Variants in FRMD6 observed in about 807,000 individuals in gnomAD.
FRMD6 encodes FERM domain-containing protein 6.
A neutral mutation model predicts 73.2 loss-of-function variants in FRMD6; 37 were observed. The observed-to-expected ratio is 0.51, with a 90% CI of 0.39 to 0.66. The LOEUF is 0.66. Among genes scored for constraint, FRMD6 ranks in the 30% least tolerant of loss-of-function variants. The pLI is 0.00. For synonymous variants in FRMD6, 273 were observed against 282.2 expected, an observed-to-expected ratio of 0.97 and a Z score of 0.33; for missense variants, 714 against 780.5, an observed-to-expected ratio of 0.91 and a Z score of 1.02.
the FRMD6 span, among the ~76,000 whole-genome samples, chr14:51,477,741 T>TC: frequency 3.6e-4 from 2 of 5,530 alleles, no homozygotes; most frequent in African/African-American, 9.2e-4. Context: ...CTTTTTCTTT[T>TC]TTTTTTTTTT....
intron 6 of FRMD6, among the ~76,000 whole-genome samples, chr14:51,706,826 T>C (rs1476334253): frequency 6.6e-6 from 1 of 152,170 alleles, no homozygotes; most frequent in East Asian, 1.9e-4. Context: ...CTTAACCTTT[T>C]CTATTTCATC....
chr14:51,458,908 C>T, the FRMD6 span, among the ~76,000 whole-genome samples: 4 of 152,202 alleles, frequency 2.6e-5, no homozygotes, highest in Non-Finnish European at 5.9e-5. Context: ...GGAAGCAAGG[C>T]TGTGACTTAG....
At chr14:51,611,885 A>C (rs1890521678) in intron 2 of FRMD6, among the ~76,000 whole-genome samples, 1 of 152,214 alleles carries the variant, frequency 6.6e-6, no homozygotes. Flanking sequence ...AAGATTATAT[A>C]GCGATAATGG....
intron 2 of FRMD6, among the ~76,000 whole-genome samples, chr14:51,638,516 T>A (rs1891673534): frequency 6.6e-6 from 1 of 152,146 alleles, no homozygotes; most frequent in African/African-American, 2.4e-5. Context: ...TGTTCCATGC[T>A]AGATTTTACA....
chr14:51,660,150 C>G (rs973469763), intron 1 of FRMD6, among the ~76,000 whole-genome samples: 1 of 152,178 alleles, frequency 6.6e-6, no homozygotes, highest in African/African-American at 2.4e-5. Flanking sequence ...AAAATGTTCA[C>G]TAAGTCCATC....
intron 1 of FRMD6, among the ~76,000 whole-genome samples, chr14:51,510,174 A>G (rs949244659): frequency 6.6e-6 from 1 of 152,252 alleles, no homozygotes; most frequent in Non-Finnish European, 1.5e-5. Context: ...AGTGTCTCCT[A>G]CAATGAGCCC....
the FRMD6 span, among the ~76,000 whole-genome samples, chr14:51,465,117 G>C: frequency 6.6e-6 from 1 of 152,094 alleles, no homozygotes; most frequent in Non-Finnish European, 1.5e-5. Context: ...GCAAGGGACA[G>C]GTGGAAAATA....
chr14:51,646,336 A>C (rs1403981478), intron 2 of FRMD6, among the ~76,000 whole-genome samples: 1 of 151,054 alleles, frequency 6.6e-6, no homozygotes, highest in Non-Finnish European at 1.5e-5. Flanking sequence ...AAAAAAAAAA[A>C]AAAAAACCCA....
chr14:51,479,318 C>A, the FRMD6 span, among the ~76,000 whole-genome samples: 14 of 152,180 alleles, frequency 9.2e-5, no homozygotes, highest in African/African-American at 3.4e-4. Flanking sequence ...AGAAATTTTA[C>A]CCTCCATGGT....
At chr14:51,475,889 T>C in the FRMD6 span, among the ~76,000 whole-genome samples, 1 of 152,176 alleles carries the variant, frequency 6.6e-6, no homozygotes, top group South Asian at 2.1e-4. Context: ...AACGTAATTG[T>C]CGATGGAATG....
the FRMD6 span, among the ~76,000 whole-genome samples, chr14:51,423,848 G>A: frequency 1.3e-5 from 2 of 152,174 alleles, no homozygotes; most frequent in African/African-American, 4.8e-5. Context: ...CTGGAGAGCT[G>A]GGCTGTTACT....
intron 1 of FRMD6, among the ~76,000 whole-genome samples, chr14:51,542,417 C>A (rs999588439): frequency 6.6e-6 from 1 of 151,988 alleles, no homozygotes; most frequent in African/African-American, 2.4e-5. Flanking sequence ...TTTCACTTAT[C>A]ATAATGTTTT....
At chr14:51,416,569 C>G in the FRMD6 span, among the ~76,000 whole-genome samples, 1 of 152,130 alleles carries the variant, frequency 6.6e-6, no homozygotes, top group Non-Finnish European at 1.5e-5. Context: ...TGCTTTACTT[C>G]CAACTATGTG....
At chr14:51,534,597 T>C (rs887735207) in intron 1 of FRMD6, among the ~76,000 whole-genome samples, 11 of 152,216 alleles carry the variant, frequency 7.2e-5, no homozygotes, top group African/African-American at 2.4e-4. Context: ...CTTTTCCTTC[T>C]ATAACATTCT....
chr14:51,465,543 T>C, the FRMD6 span, among the ~76,000 whole-genome samples: 1 of 152,360 alleles, frequency 6.6e-6, no homozygotes, highest in Admixed American at 6.5e-5. Context: ...ATAAGCATAG[T>C]CATCATGCTC....
chr14:51,450,543 C>G, the FRMD6 span, among the ~76,000 whole-genome samples: 2 of 152,114 alleles, frequency 1.3e-5, no homozygotes, highest in African/African-American at 4.8e-5. Context: ...GATGCAGGCT[C>G]CCAGTGAGAT....
chr14:51,413,136 ACACACTAC>A, the FRMD6 span, among the ~76,000 whole-genome samples: 1 of 151,732 alleles, frequency 6.6e-6, no homozygotes, highest in African/African-American at 2.4e-5. Context: ...GACTACAGGC[ACACACTAC>A]CACACTCAGC....
intron 1 of FRMD6, among the ~76,000 whole-genome samples, chr14:51,538,263 T>C (rs114542204): frequency 0.02 from 3,061 of 152,262 alleles, 91 homozygotes; most frequent in African/African-American, 0.064. Context: ...TCTTTTTTAT[T>C]GTTGAGTTTT....
At chr14:51,596,330 C>T (rs899908288) in intron 2 of FRMD6, among the ~76,000 whole-genome samples, 5 of 151,944 alleles carry the variant, frequency 3.3e-5, no homozygotes, top group Non-Finnish European at 7.4e-5. Flanking sequence ...CAGAATCAAG[C>T]ACCCTCACAT....
Sources: gnomAD v4.1 joint callset for allele counts (sites outside exome capture counted in the v4.1 genomes callset) on GRCh38, gnomAD v4.1.1 for gene constraint, MANE v1.5 for transcripts, NCBI Gene and HGNC (gene_info 2026-07-23, HGNC 2026-07-21) for gene names.